PRIM2: variants seen among roughly 807,000 people sequenced by gnomAD.
PRIM2 encodes the protein DNA primase large subunit.
A neutral mutation model predicts 67.3 loss-of-function variants in PRIM2; 39 were observed. That is an observed-to-expected ratio of 0.58 (90% CI 0.45 to 0.76). PRIM2 has a LOEUF of 0.76. Among genes scored for constraint, PRIM2 ranks in the 30% least tolerant of loss-of-function variants. The probability of loss-of-function intolerance (pLI) is 0.00; values close to 1 mark genes in which losing one functional copy is unlikely to be tolerated. For synonymous variants in PRIM2, 143 were observed against 198.7 expected (o/e 0.72, Z 2.36); for missense variants, 398 against 598.7 (o/e 0.66, Z 3.50).
chr6:57,461,840 A>G (rs1773017310), intron 7 of PRIM2, among the ~76,000 whole-genome samples: 1 of 152,238 alleles, frequency 6.6e-6, no homozygotes, highest in Non-Finnish European at 1.5e-5. Context: ...GAGAAATTAA[A>G]ACATTATGGA....
the PRIM2 span, among the ~76,000 whole-genome samples, chr6:57,282,469 C>T: frequency 6.6e-6 from 1 of 152,140 alleles, no homozygotes; most frequent in Non-Finnish European, 1.5e-5. Context: ...AAAGCTAATA[C>T]TGAAACAGTC....
chr6:57,596,074 G>C (rs1313183824), intron 10 of PRIM2, among the ~76,000 whole-genome samples: 2 of 151,908 alleles, frequency 1.3e-5, no homozygotes, highest in Non-Finnish European at 2.9e-5. Flanking sequence ...TAGAAACTGG[G>C]GCCACAGACC....
chr6:57,355,458 G>T (rs1003532786), intron 5 of PRIM2, among the ~76,000 whole-genome samples: 2 of 152,316 alleles, frequency 1.3e-5, no homozygotes, highest in South Asian at 4.1e-4. Flanking sequence ...CAGTGTTACT[G>T]CTGGGAAGCA....
the PRIM2 span, among the ~76,000 whole-genome samples, chr6:57,303,604 CAATT>C: frequency 6.6e-6 from 1 of 152,066 alleles, no homozygotes; most frequent in Non-Finnish European, 1.5e-5. Flanking sequence ...ATGTCTTTTT[CAATT>C]AATTAATTAA....
chr6:57,477,491 C>T (rs1773504779), intron 7 of PRIM2, among the ~76,000 whole-genome samples: 1 of 152,212 alleles, frequency 6.6e-6, no homozygotes, highest in Non-Finnish European at 1.5e-5. Context: ...AGCCTTTCTA[C>T]TACTTTTCAC....
chr6:57,275,168 G>A, the PRIM2 span, among the ~76,000 whole-genome samples: 1 of 152,190 alleles, frequency 6.6e-6, no homozygotes, highest in South Asian at 2.1e-4. Context: ...AAAAATGCAA[G>A]CAGACGAAAT....
intron 7 of PRIM2, among the ~76,000 whole-genome samples, chr6:57,449,437 G>A (rs1437409557): frequency 2.5e-4 from 38 of 151,998 alleles, no homozygotes; most frequent in African/African-American, 8.5e-4. Flanking sequence ...AATGTGTCAG[G>A]ATTATTCAAT....
At position 57,628,141 on chromosome 6, in the gene PRIM2, CATAAATAGCAAGCCAT is replaced by C. The variant is rs1204484539; in HGVS notation, c.1231-3991_1231-3976del. 6.7e-3 allele frequency among the ~76,000 whole-genome samples: 1,018 copies of C among 152,328 alleles called. 13 individuals carry two copies. The highest frequency in any genetic ancestry group is 0.022 in the African/African-American group (933 of 41,556). ...GTTAGACTTTGATACTTACAAGCCA[CATAAATAGCAAGCCAT>C]GGACTCCATTTACTTATCCCATTTC... On this transcript the variant is annotated intron_variant, in intron 12 of 13. Transcript: ENST00000615550.
intron 8 of PRIM2, among the ~76,000 whole-genome samples, chr6:57,529,190 T>A (rs1482251397): frequency 6.6e-6 from 1 of 151,980 alleles, no homozygotes; most frequent in African/African-American, 2.4e-5. Flanking sequence ...GGCGCCTGTA[T>A]TCCCAGCTAC....
At chr6:57,264,722 G>T in the PRIM2 span, among the ~76,000 whole-genome samples, 3 of 150,190 alleles carry the variant, frequency 2.0e-5, no homozygotes, top group African/African-American at 7.4e-5. Context: ...TCAGCCTCCT[G>T]AGTAGCTGGG....
the PRIM2 span, among the ~76,000 whole-genome samples, chr6:57,296,977 T>C: frequency 6.6e-6 from 1 of 151,944 alleles, no homozygotes; most frequent in Non-Finnish European, 1.5e-5. Flanking sequence ...TTAAACAAAA[T>C]AATACATAAG....
At chr6:57,439,394 G>T (rs1772122104) in intron 7 of PRIM2, among the ~76,000 whole-genome samples, 1 of 141,446 alleles carries the variant, frequency 7.1e-6, no homozygotes, top group African/African-American at 2.6e-5. Flanking sequence ...GCTTTGAGTA[G>T]AGGTACTCTG....
At chr6:57,440,789 C>T (rs1299932193) in intron 7 of PRIM2, among the ~76,000 whole-genome samples, 1 of 152,176 alleles carries the variant, frequency 6.6e-6, no homozygotes, top group African/African-American at 2.4e-5. Flanking sequence ...GAGTCTTGTT[C>T]TCTGTGAAGC....
chr6:57,348,721 A>G (rs1237828890), intron 5 of PRIM2, among the ~76,000 whole-genome samples: 1 of 149,156 alleles, frequency 6.7e-6, no homozygotes, highest in Non-Finnish European at 1.5e-5. Context: ...CTGTACAACC[A>G]CAGATTTTCC....
At chr6:57,321,900 G>T (rs1034649806) in intron 3 of PRIM2, among the ~76,000 whole-genome samples, 1 of 152,036 alleles carries the variant, frequency 6.6e-6, no homozygotes, top group Non-Finnish European at 1.5e-5. Context: ...TTTGAATCTG[G>T]GTATTTTGTT....
chr6:57,309,545 T>A, the PRIM2 span, among the ~76,000 whole-genome samples: 1 of 152,148 alleles, frequency 6.6e-6, no homozygotes, highest in African/African-American at 2.4e-5. Context: ...TATCACACAT[T>A]TTCTTAATCC....
intron 8 of PRIM2, 87 bp downstream of exon 8, chr6:57,507,541 A>G (rs1398853263): frequency 2.4e-5 from 33 of 1,396,256 alleles, no homozygotes; most frequent in Non-Finnish European, 2.9e-5. Flanking sequence ...AACCCCTTCA[A>G]TTACTAAAAA....
At chr6:57,408,282 C>T (rs1288420933) in intron 7 of PRIM2, among the ~76,000 whole-genome samples, 30 of 152,284 alleles carry the variant, frequency 2.0e-4, no homozygotes, top group African/African-American at 6.7e-4. Context: ...AGAAGCGCCC[C>T]TTTACAGAGC....
chr6:57,280,780 T>TA, the PRIM2 span, among the ~76,000 whole-genome samples: 3 of 152,234 alleles, frequency 2.0e-5, no homozygotes. Flanking sequence ...GTGCTGGGAT[T>TA]ACAGGCGTGA....
Sources: gnomAD v4.1 joint callset for allele counts (sites outside exome capture counted in the v4.1 genomes callset) on GRCh38, gnomAD v4.1.1 for gene constraint, MANE v1.5 for transcripts, NCBI Gene and HGNC (gene_info 2026-07-23, HGNC 2026-07-21) for gene names.